Variants in SPAG6 observed in about 807,000 individuals in gnomAD.
SPAG6 encodes sperm-associated antigen 6.
A neutral mutation model predicts 58.5 loss-of-function variants in SPAG6; 49 were observed. That is an observed-to-expected ratio of 0.84 (90% CI 0.67 to 1.06). SPAG6 has a LOEUF of 1.06. Among genes scored for constraint, SPAG6 ranks in the 50% least tolerant of loss-of-function variants. SPAG6 has a pLI of 0.00. For missense variants in SPAG6, 560 were observed against 611.3 expected, an observed-to-expected ratio of 0.92 and a Z score of 0.89; for synonymous variants, 233 against 225.6, an observed-to-expected ratio of 1.03 and a Z score of -0.29.
At chr10:22,373,163 A>G (rs79313190) in intron 4 of SPAG6, among the ~76,000 whole-genome samples, 80 of 152,084 alleles carry the variant, frequency 5.3e-4, no homozygotes, top group Non-Finnish European at 7.1e-4. Flanking sequence ...GGCAGTTGGG[A>G]GATGAGCTTG....
intron 8 of SPAG6, among the ~76,000 whole-genome samples, chr10:22,393,259 T>G (rs908712948): frequency 6.6e-6 from 1 of 152,140 alleles, no homozygotes; most frequent in African/African-American, 2.4e-5. Context: ...CCTTCTCCTC[T>G]TCCACCCTCT....
At chr10:22,400,193 T>C (rs1564377631) in intron 8 of SPAG6, among the ~76,000 whole-genome samples, 1 of 152,036 alleles carries the variant, frequency 6.6e-6, no homozygotes, top group Non-Finnish European at 1.5e-5. Flanking sequence ...CAAAACAGTG[T>C]GGTGATCCCA....
chr10:22,398,948 A>G (rs968029799), intron 8 of SPAG6, among the ~76,000 whole-genome samples: 1 of 151,936 alleles, frequency 6.6e-6, no homozygotes, highest in Non-Finnish European at 1.5e-5. Context: ...CCTCCTGAGT[A>G]GCTGGGACTA....
chr10:22,373,718 A>G (rs1833757566), intron 4 of SPAG6, among the ~76,000 whole-genome samples: 1 of 152,098 alleles, frequency 6.6e-6, no homozygotes. Context: ...TTGCTTCTTT[A>G]TCTTTCTTTT....
Position 22,376,449 on chromosome 10 carries a change from G to A in SPAG6, c.472+7771G>A, listed in dbSNP as rs11012971. ...TTCGAGTTTTAAATTACATTATGTA[G>A]ATAATATTTCTATTGGGTAGCACAT... On this transcript the variant is annotated intron_variant, in intron 4 of 10. Transcript: ENST00000376624. Among the ~76,000 whole-genome samples, 1,002 of 152,184 alleles carry A rather than the reference G, an allele frequency of 6.6e-3. 6 individuals carry two copies. The highest frequency in any genetic ancestry group is 8.6e-3 in the Non-Finnish European group (587 of 68,012).
intron 4 of SPAG6, among the ~76,000 whole-genome samples, chr10:22,381,295 T>C (rs528687435): frequency 6.6e-6 from 1 of 151,866 alleles, no homozygotes; most frequent in East Asian, 1.9e-4. Context: ...GGGTGTGTTT[T>C]ATTTGGCCAG....
chr10:22,399,805 A>T (rs1201588953), intron 8 of SPAG6, among the ~76,000 whole-genome samples: 3 of 152,200 alleles, frequency 2.0e-5, no homozygotes, highest in Non-Finnish European at 4.4e-5. Context: ...CTTTTCACTG[A>T]TAACAGTGAA....
intron 4 of SPAG6, among the ~76,000 whole-genome samples, chr10:22,378,651 T>C (rs1833879920): frequency 6.6e-6 from 1 of 152,164 alleles, no homozygotes; most frequent in Admixed American, 6.6e-5. Flanking sequence ...GTCTCAGCTG[T>C]TAAAGGTCTA....
chr10:22,392,546 TA>T (rs898671210), intron 8 of SPAG6, among the ~76,000 whole-genome samples: 2 of 151,312 alleles, frequency 1.3e-5, no homozygotes, highest in African/African-American at 2.4e-5. Flanking sequence ...TTTTATAATT[TA>T]AAAAAAAAGA....
At chr10:22,347,461 C>T (rs1265963697) in intron 2 of SPAG6, among the ~76,000 whole-genome samples, 6 of 152,150 alleles carry the variant, frequency 3.9e-5, no homozygotes, top group Admixed American at 3.9e-4. Context: ...CTCAGTCCCT[C>T]TCAATGACCT....
chr10:22,379,186 G>A (rs2132070124), intron 4 of SPAG6, among the ~76,000 whole-genome samples: 1 of 152,266 alleles, frequency 6.6e-6, no homozygotes, highest in Non-Finnish European at 1.5e-5. Context: ...ACCTGCAATT[G>A]GAGATGTCAA....
intron 4 of SPAG6, 37 bp from the exon 5 acceptor site, chr10:22,386,717 A>C: frequency 6.5e-7 from 1 of 1,543,688 alleles, no homozygotes. Context: ...AGGGTCAGTC[A>C]CCCATACTCA....
intron 10 of SPAG6, among the ~76,000 whole-genome samples, chr10:22,411,838 ATCTTT>A (rs1834743651): frequency 7.5e-6 from 1 of 132,712 alleles, no homozygotes; most frequent in Admixed American, 7.6e-5. Context: ...AAACAACTGA[ATCTTT>A]TTTTTTTTTT....
intron 10 of SPAG6, among the ~76,000 whole-genome samples, chr10:22,415,483 G>A (rs947685627): frequency 2.0e-5 from 3 of 152,090 alleles, no homozygotes; most frequent in South Asian, 2.1e-4. Context: ...ACTGTTGAAA[G>A]ACAATTTTTT....
intron 10 of SPAG6, among the ~76,000 whole-genome samples, chr10:22,414,262 G>T (rs1223817559): frequency 1.3e-5 from 2 of 152,158 alleles, no homozygotes; most frequent in Non-Finnish European, 2.9e-5. Context: ...GTGGGTCTAG[G>T]ATAAGGTTAA....
intron 3 of SPAG6, among the ~76,000 whole-genome samples, chr10:22,365,283 A>G (rs757172448): frequency 5.3e-5 from 8 of 152,152 alleles, no homozygotes; most frequent in Non-Finnish European, 1.2e-4. Context: ...TATATATGAG[A>G]GTTTTAAACA....
chr10:22,391,776 T>C lies in SPAG6; in HGVS notation c.1053T>C (p.His351=), dbSNP rs776636859. ...SVCLSEEPED[H]IKAAAAWALG... is the part of the protein sequence containing the mutation. ...GCTTGTCAGAAGAACCGGAAGATCATATTAAGGCTGCAGCTGCTTGGGCCT... is the reference window on the plus strand; with the variant it reads ...GCTTGTCAGAAGAACCGGAAGATCACATTAAGGCTGCAGCTGCTTGGGCCT... The change falls in exon 8 of 11, where the codon CAT becomes CAC. Residue 351 remains histidine, a synonymous_variant. Coordinates refer to ENST00000376624, the MANE Select transcript of SPAG6 (RefSeq NM_012443.4). 3.7e-6 allele frequency: 6 copies of C among 1,613,568 alleles called. No homozygotes were observed. Among genetic ancestry groups the C allele is most frequent in the Admixed American group, 1.7e-5 (1 of 59,892 alleles).
At position 22,364,861 on chromosome 10, in the gene SPAG6, T is replaced by C; in HGVS notation, c.130T>C (p.Ser44Pro). 6.2e-7 allele frequency: 1 copy of C among 1,603,800 alleles called. No individual in the cohort carries two copies. The highest frequency in any genetic ancestry group is 8.5e-7 in the Non-Finnish European group (1 of 1,176,970). ...TTCATAATTTAACTCAGGTGTAATG[T>C]CTTTGCTGAGAACTCTTCTTCTGGA... Reference protein sequence around the residue: ...IETLQNAGVMSLLRTLLLDVV... With the variant: ...IETLQNAGVMPLLRTLLLDVV... Residue 44 changes from serine (S) to proline (P), a missense_variant, in exon 3 of 11, where the codon TCT becomes CCT. By Grantham distance (74) the Ser-to-Pro change is moderately conservative (BLOSUM62 -1). Transcript: ENST00000376624.
intron 2 of SPAG6, among the ~76,000 whole-genome samples, chr10:22,360,224 G>C (rs904187921): frequency 2.0e-5 from 3 of 151,658 alleles, no homozygotes; most frequent in Non-Finnish European, 4.4e-5. Flanking sequence ...TTGCTATGTG[G>C]TTAACCCTGA....
Sources: allele counts gnomAD v4.1 joint callset (sites outside exome capture counted in the v4.1 genomes callset), GRCh38; gene constraint gnomAD v4.1.1; transcripts MANE v1.5; gene names NCBI Gene and HGNC (gene_info 2026-07-23, HGNC 2026-07-21).